ACER3: variants seen among roughly 807,000 people sequenced by gnomAD.
ACER3 encodes the protein alkCDase 3.
Under a neutral mutation model 48.9 loss-of-function variants are expected in ACER3, and 16 were observed. The ratio of observed to expected loss-of-function variants is 0.33; its 90% CI spans 0.22 to 0.50. ACER3 has a LOEUF of 0.50. Ranked by LOEUF, ACER3 falls within the 20% of genes least tolerant of loss-of-function variation. The pLI is 0.98. For synonymous variants in ACER3, 109 were observed against 107.8 expected (o/e 1.01, Z -0.07); for missense variants, 227 against 326.0 (o/e 0.70, Z 2.34).
At chr11:76,947,608 A>G (rs1222366925) in intron 2 of ACER3, among the ~76,000 whole-genome samples, 1 of 152,226 alleles carries the variant, frequency 6.6e-6, no homozygotes, top group African/African-American at 2.4e-5. Flanking sequence ...ATTTTTGGAA[A>G]TCATTTTACA....
At chr11:76,966,121 A>G (rs1464544913) in intron 3 of ACER3, among the ~76,000 whole-genome samples, 1 of 151,950 alleles carries the variant, frequency 6.6e-6, no homozygotes, top group Non-Finnish European at 1.5e-5. Context: ...GAGATCTACC[A>G]AGCAAATGGA....
At chr11:77,016,618 C>T (rs1027677672) in intron 8 of ACER3, 57 bp from the exon 9 acceptor site, 14 of 890,758 alleles carry the variant, frequency 1.6e-5, no homozygotes, top group Middle Eastern at 2.2e-4. Context: ...AGACTATCAG[C>T]GTTAGTCGCT....
At chr11:76,868,895 C>T (rs574696710) in intron 1 of ACER3, among the ~76,000 whole-genome samples, 2 of 152,340 alleles carry the variant, frequency 1.3e-5, no homozygotes, top group Non-Finnish European at 2.9e-5. Flanking sequence ...AAGAACTCAT[C>T]CACATAGTAG....
intron 1 of ACER3, among the ~76,000 whole-genome samples, chr11:76,892,978 A>G (rs1945845045): frequency 6.6e-6 from 1 of 152,198 alleles, no homozygotes; most frequent in Non-Finnish European, 1.5e-5. Flanking sequence ...CAGGATATAA[A>G]ATTAATATAC....
At chr11:76,967,393 G>C (rs907435513) in intron 3 of ACER3, among the ~76,000 whole-genome samples, 27 of 152,272 alleles carry the variant, frequency 1.8e-4, no homozygotes, top group African/African-American at 5.5e-4. Context: ...GGAGAAGCTG[G>C]TACCATTCCT....
chr11:76,963,434 A>G (rs1452798882), intron 3 of ACER3, among the ~76,000 whole-genome samples: 2 of 150,436 alleles, frequency 1.3e-5, no homozygotes, highest in Non-Finnish European at 2.9e-5. Context: ...TTGGGTCCAC[A>G]CTCCTTAATT....
At chr11:76,943,563 A>C (rs1305688492) in intron 2 of ACER3, among the ~76,000 whole-genome samples, 1 of 151,948 alleles carries the variant, frequency 6.6e-6, no homozygotes, top group Non-Finnish European at 1.5e-5. Flanking sequence ...TTTAAGACTT[A>C]TTTTGTGGCC....
chr11:76,956,744 G>GT (rs202192604), intron 2 of ACER3, among the ~76,000 whole-genome samples: 50 of 139,378 alleles, frequency 3.6e-4, no homozygotes, highest in Middle Eastern at 3.6e-3. Context: ...TAACTTAAAG[G>GT]TTTTTTTTTT....
At chr11:76,871,056 G>C (rs1334589183) in intron 1 of ACER3, among the ~76,000 whole-genome samples, 1 of 152,176 alleles carries the variant, frequency 6.6e-6, no homozygotes, top group African/African-American at 2.4e-5. Flanking sequence ...TTTTAGGGCA[G>C]AGAGGGATTA....
At chr11:76,976,250 A>G (rs756263449) in intron 3 of ACER3, 39 bp from the exon 4 acceptor site, 3 of 1,445,438 alleles carry the variant, frequency 2.1e-6, no homozygotes, top group South Asian at 2.4e-5. Context: ...TTGCTGCTCC[A>G]TGATATTCAA....
rs553076404 is a variant in ACER3 at position 76,930,630 on chromosome 11, A to G, written c.214+3963A>G. ...TGCTATACATTTCCCTCTACACACT[A>G]CTTAAATGTGTCCCAGAGATTCTGG... is the stretch of plus-strand genomic sequence containing the variant. On this transcript the variant is annotated intron_variant, in intron 2 of 10. Transcript: ENST00000532485. 2.9e-3 allele frequency among the ~76,000 whole-genome samples: 446 copies of G among 151,716 alleles called. 4 individuals carry two copies. Among genetic ancestry groups the G allele is most frequent in the Non-Finnish European group, 2.7e-3 (182 of 67,974 alleles).
intron 1 of ACER3, among the ~76,000 whole-genome samples, chr11:76,873,031 A>C (rs1347836077): frequency 2.1e-5 from 3 of 145,838 alleles, no homozygotes; most frequent in Non-Finnish European, 4.5e-5. Flanking sequence ...CCTGCCTCAG[A>C]CTCCCGAATA....
chr11:76,872,911 C>CTTTTTTTTTTTTTTTT (rs59654087), intron 1 of ACER3, among the ~76,000 whole-genome samples: 3 of 68,744 alleles, frequency 4.4e-5, no homozygotes, highest in Non-Finnish European at 6.9e-5. Context: ...TTTTCTTTTT[C>CTTTTTTTTTTTTTTTT]TTTTTTTTTT....
chr11:76,973,293 C>G (rs1381171948), intron 3 of ACER3, among the ~76,000 whole-genome samples: 2 of 152,146 alleles, frequency 1.3e-5, no homozygotes, highest in Non-Finnish European at 2.9e-5. Flanking sequence ...GTTACAGCAG[C>G]CTTGAGACAC....
At chr11:76,968,869 G>C (rs2135110722) in intron 3 of ACER3, among the ~76,000 whole-genome samples, 1 of 152,286 alleles carries the variant, frequency 6.6e-6, no homozygotes, top group East Asian at 1.9e-4. Context: ...ATACCATTCA[G>C]GACATAGGCA....
At chr11:76,879,607 TCTTTA>T (rs892004633) in intron 1 of ACER3, among the ~76,000 whole-genome samples, 71 of 152,330 alleles carry the variant, frequency 4.7e-4, no homozygotes, top group African/African-American at 1.7e-3. Flanking sequence ...TTGAGGAAGT[TCTTTA>T]CTTGTTGAGT....
intron 2 of ACER3, among the ~76,000 whole-genome samples, chr11:76,945,366 C>G (rs1590970189): frequency 1.3e-5 from 2 of 152,076 alleles, no homozygotes; most frequent in South Asian, 4.1e-4. Context: ...TTTTGCAGGG[C>G]AGAATTTTTT....
intron 1 of ACER3, among the ~76,000 whole-genome samples, chr11:76,910,320 A>G (rs1242458860): frequency 6.6e-6 from 1 of 152,194 alleles, no homozygotes; most frequent in Non-Finnish European, 1.5e-5. Flanking sequence ...ACTTAAGAGT[A>G]ACTATTTCTT....
intron 3 of ACER3, among the ~76,000 whole-genome samples, chr11:76,972,636 A>T (rs1280052853): frequency 6.6e-6 from 1 of 152,162 alleles, no homozygotes; most frequent in Non-Finnish European, 1.5e-5. Flanking sequence ...TGACACCCTG[A>T]TCTATGCCAG....
Sources: allele counts gnomAD v4.1 joint callset (sites outside exome capture counted in the v4.1 genomes callset), GRCh38; gene constraint gnomAD v4.1.1; transcripts MANE v1.5; gene names NCBI Gene and HGNC (gene_info 2026-07-23, HGNC 2026-07-21).